The following SLC2A9 variants were observed in gnomAD, a reference collection of about 807,000 sequenced individuals.
The protein encoded by SLC2A9 is solute carrier family 2, facilitated glucose transporter member 9.
Under a neutral mutation model 50.6 loss-of-function variants are expected in SLC2A9, and 39 were observed. The observed-to-expected ratio is 0.77, with a 90% CI of 0.60 to 1.01. The LOEUF is 1.01. SLC2A9 is among the 50% of genes least tolerant of loss of function. The probability of loss-of-function intolerance (pLI) is 0.00; values close to 1 mark genes in which losing one functional copy is unlikely to be tolerated. For missense variants in SLC2A9, 686 were observed against 677.6 expected, an observed-to-expected ratio of 1.01 and a Z score of -0.14; for synonymous variants, 324 against 276.9, an observed-to-expected ratio of 1.17 and a Z score of -1.69.
At chr4:9,911,723 C>T (rs891504724) in intron 7 of SLC2A9, among the ~76,000 whole-genome samples, 2 of 152,188 alleles carry the variant, frequency 1.3e-5, no homozygotes, top group Non-Finnish European at 2.9e-5. Context: ...AATAATACTT[C>T]GTCTTTCAGG....
chr4:9,879,299 A>C, intron 10 of SLC2A9: 1 of 985,356 alleles, frequency 1.0e-6, no homozygotes, highest in South Asian at 4.7e-5. Flanking sequence ...TGGATGAATA[A>C]GGGTGGTTGT....
intron 2 of SLC2A9, among the ~76,000 whole-genome samples, chr4:10,010,041 T>C (rs1761496275): frequency 1.3e-5 from 2 of 152,156 alleles, no homozygotes; most frequent in South Asian, 4.1e-4. Context: ...TAACTCAGGA[T>C]GGGGGTTGGC....
chr4:9,790,804 C>T (rs957645089), intron 3 of SLC2A9, among the ~76,000 whole-genome samples: 5 of 152,178 alleles, frequency 3.3e-5, no homozygotes, highest in African/African-American at 7.2e-5. Context: ...ATGTATATAG[C>T]CACAATCGAA....
intron 10 of SLC2A9, among the ~76,000 whole-genome samples, chr4:9,863,167 G>A (rs1003111427): frequency 6.6e-6 from 1 of 151,816 alleles, no homozygotes; most frequent in Non-Finnish European, 1.5e-5. Context: ...TTTGTTTTGA[G>A]ACAGGGCCTT....
intron 3 of SLC2A9, among the ~76,000 whole-genome samples, chr4:9,799,693 C>CG: frequency 1.0e-4 from 1 of 9,578 alleles, no homozygotes; most frequent in Non-Finnish European, 3.2e-4. Flanking sequence ...TCCAATTGTA[C>CG]CCCCCCCCCA....
At chr4:9,771,653 A>G (rs1268230398) in intron 1 of SLC2A9, among the ~76,000 whole-genome samples, 1 of 152,240 alleles carries the variant, frequency 6.6e-6, no homozygotes, top group Non-Finnish European at 1.5e-5. Flanking sequence ...CAGCTGGGAA[A>G]GAAAGGTAAG....
intron 6 of SLC2A9, among the ~76,000 whole-genome samples, chr4:9,923,478 G>T (rs1333134831): frequency 6.6e-6 from 1 of 152,176 alleles, no homozygotes; most frequent in Non-Finnish European, 1.5e-5. Flanking sequence ...GCAGCTGCTG[G>T]CACCCAGAGA....
At chr4:9,913,096 T>C (rs566842287) in intron 7 of SLC2A9, among the ~76,000 whole-genome samples, 1 of 152,342 alleles carries the variant, frequency 6.6e-6, no homozygotes, top group South Asian at 2.1e-4. Context: ...AGAAGGAATG[T>C]GGCCTTGCCA....
Position 10,021,397 on chromosome 4 carries a change from T to G in SLC2A9, c.33A>C (p.Glu11Asp). MARKQNRNSK[E>D]LGLVPLTDDT... ...CATCTGTGAGGGGAACTAGGCCCAG[T>G]TCCTTGGAATTCCTATTTTGTTTCC... Residue 11 changes from glutamate (E) to aspartate (D), a missense_variant, in exon 1 of 12, where the codon GAA becomes GAC. Physicochemically the swap from Glu to Asp is conservative, Grantham distance 45. Transcript: ENST00000264784. 1 of 1,614,208 alleles carries G rather than the reference T, an allele frequency of 6.2e-7. No homozygotes were observed.
intron 7 of SLC2A9, among the ~76,000 whole-genome samples, chr4:9,917,046 A>C (rs1433056715): frequency 6.6e-6 from 1 of 152,188 alleles, no homozygotes; most frequent in Non-Finnish European, 1.5e-5. Flanking sequence ...CCACCCCAGC[A>C]ATGGGGACGG....
downstream of SLC2A9, among the ~76,000 whole-genome samples, chr4:9,823,950 T>C (rs909272119): frequency 6.6e-6 from 1 of 152,096 alleles, no homozygotes; most frequent in African/African-American, 2.4e-5. Context: ...ATTATGGGTG[T>C]CTTATTGTTT....
chr4:9,816,694 A>G (rs926389589), intron 3 of SLC2A9, among the ~76,000 whole-genome samples: 5 of 152,204 alleles, frequency 3.3e-5, no homozygotes, highest in African/African-American at 1.2e-4. Flanking sequence ...TACATCTTAA[A>G]TGTCTAGCCC....
chr4:10,035,135 C>T (rs982776150), intron 1 of SLC2A9: 2 of 152,254 alleles, frequency 1.3e-5, no homozygotes, highest in South Asian at 2.1e-4. Flanking sequence ...ACTGCCACCC[C>T]GCAGGTTTCC....
chr4:10,038,004 G>A (rs1333845318), intron 1 of SLC2A9, among the ~76,000 whole-genome samples: 1 of 152,040 alleles, frequency 6.6e-6, no homozygotes, highest in African/African-American at 2.4e-5. Context: ...CGGTAGCTGT[G>A]ATAAGGAGGA....
chr4:10,033,808 G>A (rs1418220503), intron 1 of SLC2A9, among the ~76,000 whole-genome samples: 2 of 152,216 alleles, frequency 1.3e-5, no homozygotes, highest in Non-Finnish European at 2.9e-5. Context: ...TGTCATCCCG[G>A]TGGTGGTGTC....
intron 7 of SLC2A9, among the ~76,000 whole-genome samples, chr4:9,914,582 T>C (rs74433158): frequency 0.049 from 7,448 of 152,232 alleles, 587 homozygotes; most frequent in African/African-American, 0.17. Context: ...CTCTGGTCCC[T>C]GGTGGTTGAA....
chr4:9,899,703 G>C (rs372913497), intron 8 of SLC2A9, among the ~76,000 whole-genome samples: 1 of 152,144 alleles, frequency 6.6e-6, no homozygotes, highest in Admixed American at 6.5e-5. Context: ...AGAAATGAGA[G>C]TTGTGTTTTA....
chr4:9,781,856 A>T (rs1226234568), intron 3 of SLC2A9: 2 of 519,352 alleles, frequency 3.9e-6, no homozygotes. Flanking sequence ...TTCAGGAGGC[A>T]AGAGAAGTCC....
At chr4:9,832,098 G>A (rs781409008) in intron 11 of SLC2A9, among the ~76,000 whole-genome samples, 1 of 152,164 alleles carries the variant, frequency 6.6e-6, no homozygotes, top group Non-Finnish European at 1.5e-5. Context: ...TGGTCATGGC[G>A]GCCCGAGGCC....
Sources: gnomAD v4.1 joint callset for allele counts (sites outside exome capture counted in the v4.1 genomes callset) on GRCh38, gnomAD v4.1.1 for gene constraint, MANE v1.5 for transcripts, NCBI Gene and HGNC (gene_info 2026-07-23, HGNC 2026-07-21) for gene names.